The following NCAM2 variants were observed in gnomAD, a reference collection of about 807,000 sequenced individuals.
NCAM2 encodes N-CAM-2.
Under a neutral mutation model 98.1 loss-of-function variants are expected in NCAM2, and 30 were observed. That is an observed-to-expected ratio of 0.31 (90% CI 0.23 to 0.41). NCAM2 has a LOEUF of 0.41. Ranked by LOEUF, NCAM2 falls within the 10% of genes least tolerant of loss-of-function variation. The pLI is 1.00. For missense variants in NCAM2, 867 were observed against 1,005.8 expected (o/e 0.86, Z 1.87); for synonymous variants, 368 against 342.4 (o/e 1.07, Z -0.83).
intron 9 of NCAM2, among the ~76,000 whole-genome samples, chr21:21,408,720 A>G (rs2076793048): frequency 6.6e-6 from 1 of 152,098 alleles, no homozygotes; most frequent in East Asian, 1.9e-4. Flanking sequence ...CCTTTTCCAT[A>G]GAACAGAGAT....
intron 1 of NCAM2, among the ~76,000 whole-genome samples, chr21:21,270,298 C>A (rs1001253389): frequency 6.6e-6 from 1 of 152,182 alleles, no homozygotes; most frequent in South Asian, 2.1e-4. Flanking sequence ...GTGACCTGTT[C>A]CTGGTCTCAT....
intron 10 of NCAM2, among the ~76,000 whole-genome samples, chr21:21,413,960 C>G (rs980796925): frequency 1.3e-5 from 2 of 152,160 alleles, no homozygotes; most frequent in Non-Finnish European, 2.9e-5. Context: ...AGCAGAACAT[C>G]TTTCAAAAAT....
chr21:21,296,351 A>T (rs1023489934), intron 5 of NCAM2, among the ~76,000 whole-genome samples: 9 of 151,866 alleles, frequency 5.9e-5, no homozygotes, highest in African/African-American at 1.9e-4. Flanking sequence ...GAAAACTGTT[A>T]TTTAGGAGAA....
At chr21:21,298,392 C>A (rs2073570915) in intron 5 of NCAM2, among the ~76,000 whole-genome samples, 1 of 151,180 alleles carries the variant, frequency 6.6e-6, no homozygotes, top group African/African-American at 2.4e-5. Context: ...TAAATTTACC[C>A]AAATCAATAA....
chr21:21,274,344 C>A (rs1382155898), intron 1 of NCAM2, among the ~76,000 whole-genome samples: 1 of 151,940 alleles, frequency 6.6e-6, no homozygotes, highest in Non-Finnish European at 1.5e-5. Context: ...TTTCTTGTTA[C>A]AATTAGAAGA....
At chr21:21,530,533 A>G (rs1245512496) in intron 16 of NCAM2, among the ~76,000 whole-genome samples, 3 of 150,766 alleles carry the variant, frequency 2.0e-5, no homozygotes, top group Non-Finnish European at 4.4e-5. Context: ...ATAGTTTGTA[A>G]AAAATAATAT....
intron 9 of NCAM2, among the ~76,000 whole-genome samples, chr21:21,401,386 A>G (rs1005175345): frequency 1.3e-5 from 2 of 152,156 alleles, no homozygotes; most frequent in African/African-American, 2.4e-5. Flanking sequence ...TTGTCATCTT[A>G]TTGGGTAATA....
At chr21:21,445,327 G>A (rs534955763) in intron 12 of NCAM2, among the ~76,000 whole-genome samples, 1 of 152,138 alleles carries the variant, frequency 6.6e-6, no homozygotes, top group African/African-American at 2.4e-5. Flanking sequence ...GGGGTGAAGA[G>A]TTCTGTAGAT....
At chr21:21,086,459 A>G (rs374552449) in intron 1 of NCAM2, among the ~76,000 whole-genome samples, 48 of 152,310 alleles carry the variant, frequency 3.2e-4, no homozygotes, top group African/African-American at 1.1e-3. Context: ...GCAGAATCAC[A>G]TGCATACAGA....
At chr21:21,447,491 C>T (rs1980357557) in intron 12 of NCAM2, among the ~76,000 whole-genome samples, 1 of 152,068 alleles carries the variant, frequency 6.6e-6, no homozygotes, top group Admixed American at 6.6e-5. Flanking sequence ...TAGGCATGGG[C>T]AAAAACTTCA....
At chr21:21,199,698 A>G (rs1407992862) in intron 1 of NCAM2, among the ~76,000 whole-genome samples, 1 of 152,202 alleles carries the variant, frequency 6.6e-6, no homozygotes, top group Admixed American at 6.5e-5. Context: ...AGAAATACAC[A>G]TTACCACTGC....
chr21:21,433,716 C>T (rs1309275037), intron 12 of NCAM2, among the ~76,000 whole-genome samples: 1 of 141,232 alleles, frequency 7.1e-6, no homozygotes, highest in African/African-American at 2.7e-5. Flanking sequence ...GCACTCCAGC[C>T]TGGGCGACAG....
intron 1 of NCAM2, among the ~76,000 whole-genome samples, chr21:21,209,664 C>A (rs950740082): frequency 6.6e-6 from 1 of 151,118 alleles, no homozygotes; most frequent in Non-Finnish European, 1.5e-5. Context: ...AAATGCTATT[C>A]TTTTATAGTC....
chr21:21,032,486 T>C (rs987090609), intron 1 of NCAM2, among the ~76,000 whole-genome samples: 15 of 152,180 alleles, frequency 9.9e-5, no homozygotes, highest in Admixed American at 6.5e-4. Context: ...GCAAATGTTA[T>C]TGTAATTGCC....
chr21:21,288,733 G>A (rs1316013458), intron 4 of NCAM2, among the ~76,000 whole-genome samples: 1 of 151,720 alleles, frequency 6.6e-6, no homozygotes, highest in Non-Finnish European at 1.5e-5. Flanking sequence ...ATAAGATCAA[G>A]ATTACAATTA....
chr21:21,056,537 GGAGA>G (rs148404422), intron 1 of NCAM2, among the ~76,000 whole-genome samples: 5,069 of 141,980 alleles, frequency 0.036, 110 homozygotes, highest in African/African-American at 0.049. Flanking sequence ...TGAGAGAGGG[GGAGA>G]GAGAGGAGAG....
At chr21:21,442,248 G>C (rs1000389347) in intron 12 of NCAM2, among the ~76,000 whole-genome samples, 16 of 152,232 alleles carry the variant, frequency 1.1e-4, no homozygotes, top group Middle Eastern at 3.4e-3. Context: ...CTAAATGAAA[G>C]ACACACAGCA....
chr21:21,536,670 G>A (rs139385934), intron 17 of NCAM2, among the ~76,000 whole-genome samples: 37 of 152,044 alleles, frequency 2.4e-4, no homozygotes, highest in African/African-American at 8.2e-4. Context: ...GATTAGAGGC[G>A]TGAGCCACTG....
chr21:21,284,362 G>T lies in NCAM2; in HGVS notation c.299G>T (p.Gly100Val), dbSNP rs1191960345. Reference protein sequence around the residue: ...IYRCQATDAKGQTQEATVVLE... With the variant: ...IYRCQATDAKVQTQEATVVLE... The stretch of plus-strand genomic sequence containing the variant: ...CGTTGTCAAGCAACAGATGCCAAAG[G>T]ACAAACACAAGAAGCTACAGTAGTT... The change falls in exon 3 of 18, where the codon GGA (glycine) becomes GTA (valine). Residue 100 changes from glycine (G) to valine (V), a missense_variant. Transcript: ENST00000400546. 2.5e-6 allele frequency: 4 copies of T among 1,612,408 alleles called. No homozygotes were observed. The Admixed American group carries it at 6.7e-5, about 27-fold the overall frequency.
Sources: allele counts gnomAD v4.1 joint callset (sites outside exome capture counted in the v4.1 genomes callset), GRCh38; gene constraint gnomAD v4.1.1; transcripts MANE v1.5; gene names NCBI Gene and HGNC (gene_info 2026-07-23, HGNC 2026-07-21).